TMEM132D: variants seen among roughly 807,000 people sequenced by gnomAD.
The protein encoded by TMEM132D is mature OL transmembrane protein.
In TMEM132D, 21 loss-of-function variants were observed where a neutral mutation model predicts 62.3. The observed-to-expected ratio is 0.34, with a 90% CI of 0.24 to 0.49. TMEM132D has a LOEUF of 0.49. Ranked by LOEUF, TMEM132D falls within the 20% of genes least tolerant of loss-of-function variation. The pLI, the probability that TMEM132D is intolerant of heterozygous loss-of-function variation, is 0.99. For missense variants in TMEM132D, 1,346 were observed against 1,402.8 expected, an observed-to-expected ratio of 0.96 and a Z score of 0.65; for synonymous variants, 621 against 575.6, an observed-to-expected ratio of 1.08 and a Z score of -1.13.
intron 3 of TMEM132D, among the ~76,000 whole-genome samples, chr12:129,508,922 A>G (rs893326940): frequency 6.6e-6 from 1 of 150,426 alleles, no homozygotes; most frequent in African/African-American, 2.4e-5. Flanking sequence ...ATCATTTTGC[A>G]TGAGAAGCCA....
chr12:129,705,485 A>G (rs1424258807), intron 1 of TMEM132D, among the ~76,000 whole-genome samples: 1 of 152,248 alleles, frequency 6.6e-6, no homozygotes. Flanking sequence ...TTAAAAAATA[A>G]TGATAAATAT....
chr12:129,764,690 C>T (rs576664728), intron 1 of TMEM132D, among the ~76,000 whole-genome samples: 10 of 152,298 alleles, frequency 6.6e-5, no homozygotes, highest in Admixed American at 1.3e-4. Context: ...CCTGTATTCC[C>T]AGCACTTTAG....
chr12:129,421,325 A>G (rs1872318899), intron 3 of TMEM132D, among the ~76,000 whole-genome samples: 1 of 152,076 alleles, frequency 6.6e-6, no homozygotes, highest in African/African-American at 2.4e-5. Context: ...TGTATTCAGC[A>G]TCCATTAAAA....
intron 3 of TMEM132D, among the ~76,000 whole-genome samples, chr12:129,416,217 C>T (rs2135708341): frequency 6.6e-6 from 1 of 152,274 alleles, no homozygotes; most frequent in Non-Finnish European, 1.5e-5. Context: ...TTGTTTGTGT[C>T]CTTTCTTATT....
intron 4 of TMEM132D, among the ~76,000 whole-genome samples, chr12:129,283,835 G>A (rs1593322774): frequency 1.3e-5 from 2 of 152,214 alleles, no homozygotes; most frequent in East Asian, 3.9e-4. Context: ...TCCAAAGACA[G>A]CCTCCGACAA....
At chr12:129,143,035 C>G (rs1399582219) in intron 5 of TMEM132D, among the ~76,000 whole-genome samples, 1 of 152,088 alleles carries the variant, frequency 6.6e-6, no homozygotes, top group African/African-American at 2.4e-5. Context: ...CCCCAAGCAG[C>G]AGACACCAGC....
intron 3 of TMEM132D, among the ~76,000 whole-genome samples, chr12:129,516,146 C>T (rs1032914044): frequency 2.0e-5 from 3 of 152,172 alleles, no homozygotes; most frequent in Non-Finnish European, 4.4e-5. Context: ...TAGACAATTG[C>T]ACAGCTGATT....
At chr12:129,795,619 C>T (rs1372521693) in intron 1 of TMEM132D, among the ~76,000 whole-genome samples, 6 of 152,162 alleles carry the variant, frequency 3.9e-5, no homozygotes, top group Admixed American at 6.5e-5. Context: ...TGGACGGAGA[C>T]AGACACCGTG....
At chr12:129,626,615 G>A (rs1009347615) in intron 2 of TMEM132D, among the ~76,000 whole-genome samples, 1 of 151,932 alleles carries the variant, frequency 6.6e-6, no homozygotes, top group Non-Finnish European at 1.5e-5. Flanking sequence ...CTGCCACCAT[G>A]CCCCACTAAT....
intron 3 of TMEM132D, among the ~76,000 whole-genome samples, chr12:129,409,308 G>A (rs2135704815): frequency 6.6e-6 from 1 of 152,240 alleles, no homozygotes; most frequent in East Asian, 1.9e-4. Flanking sequence ...TCTCTCCTGG[G>A]ACAAAAGAAA....
intron 2 of TMEM132D, among the ~76,000 whole-genome samples, chr12:129,558,068 C>T (rs1237423969): frequency 6.6e-6 from 1 of 152,104 alleles, no homozygotes; most frequent in Non-Finnish European, 1.5e-5. Flanking sequence ...GGTGTATATG[C>T]TGAAGTAACA....
intron 1 of TMEM132D, among the ~76,000 whole-genome samples, chr12:129,703,589 T>C (rs1330398743): frequency 6.6e-6 from 1 of 152,124 alleles, no homozygotes; most frequent in Non-Finnish European, 1.5e-5. Flanking sequence ...CTAAAGGACA[T>C]GATTTTTATT....
At chr12:129,668,727 T>C (rs1240221019) in intron 2 of TMEM132D, among the ~76,000 whole-genome samples, 1 of 152,236 alleles carries the variant, frequency 6.6e-6, no homozygotes, top group Non-Finnish European at 1.5e-5. Context: ...TATTCTCAAT[T>C]TATGGCAGTA....
intron 5 of TMEM132D, among the ~76,000 whole-genome samples, chr12:129,137,140 T>TCATCACC (rs1876601813): frequency 3.5e-5 from 1 of 28,412 alleles, no homozygotes; most frequent in African/African-American, 7.0e-5. Flanking sequence ...TCACCATCAC[T>TCATCACC]ATCATTGTCA....
At chr12:129,075,509 C>T (rs1874221877) in intron 8 of TMEM132D, among the ~76,000 whole-genome samples, 4 of 152,180 alleles carry the variant, frequency 2.6e-5, no homozygotes, top group African/African-American at 9.7e-5. Flanking sequence ...TACTGAGTCT[C>T]CACTGATTAC....
intron 2 of TMEM132D, among the ~76,000 whole-genome samples, chr12:129,543,951 G>A (rs773024608): frequency 5.9e-5 from 9 of 152,170 alleles, no homozygotes; most frequent in Non-Finnish European, 1.3e-4. Flanking sequence ...TCAGGAAACT[G>A]CCATGTCCAC....
intron 4 of TMEM132D, among the ~76,000 whole-genome samples, chr12:129,309,601 A>T (rs963406236): frequency 6.6e-6 from 1 of 152,128 alleles, no homozygotes; most frequent in African/African-American, 2.4e-5. Context: ...CACTCAGAGG[A>T]GAGTTGCACT....
At chr12:129,190,863 T>C (rs1486635) in intron 5 of TMEM132D, among the ~76,000 whole-genome samples, 74,355 of 152,014 alleles carry the variant, frequency 0.49, 19,530 homozygotes, top group Non-Finnish European at 0.58. Flanking sequence ...TAGCTCTCTG[T>C]TCTCAGTGGA....
intron 3 of TMEM132D, among the ~76,000 whole-genome samples, chr12:129,413,857 A>C (rs1259084751): frequency 6.6e-6 from 1 of 152,230 alleles, no homozygotes; most frequent in Non-Finnish European, 1.5e-5. Flanking sequence ...TCCTTTCATG[A>C]AAAGTCATAC....
Sources: gnomAD v4.1 joint callset for allele counts (sites outside exome capture counted in the v4.1 genomes callset) on GRCh38, gnomAD v4.1.1 for gene constraint, MANE v1.5 for transcripts, NCBI Gene and HGNC (gene_info 2026-07-23, HGNC 2026-07-21) for gene names.